The following WARS2 variants were observed in gnomAD, a reference collection of about 807,000 sequenced individuals.
The protein encoded by WARS2 is tryptophanyl tRNA synthetase 2, mitochondrial, also known as tryptophan--tRNA ligase, mitochondrial.
A neutral mutation model predicts 36.5 loss-of-function variants in WARS2; 28 were observed. The observed-to-expected ratio is 0.77, with a 90% confidence interval of 0.57 to 1.05. WARS2 has a LOEUF of 1.05. Among genes scored for constraint, WARS2 ranks in the 50% least tolerant of loss-of-function variants. WARS2 has a pLI of 0.00. For missense variants in WARS2, 435 were observed against 456.8 expected (o/e 0.95, Z 0.44); for synonymous variants, 174 against 178.4 (o/e 0.98, Z 0.20).
chr1:119,036,509 C>T (rs761565944), intron 4 of WARS2, among the ~76,000 whole-genome samples: 16 of 152,148 alleles, frequency 1.1e-4, no homozygotes, highest in South Asian at 2.1e-4. Context: ...GTCACCTTGA[C>T]GCCCCCAAGC....
chr1:119,080,271 T>C (rs919853877), intron 1 of WARS2, among the ~76,000 whole-genome samples: 5 of 152,184 alleles, frequency 3.3e-5, no homozygotes, highest in African/African-American at 1.2e-4. Context: ...GAATTTTAAG[T>C]TGAAAATAAT....
rs587650909 is a variant in WARS2 at position 119,121,843 on chromosome 1, T to C, written c.90+18712A>G. On this transcript the variant is annotated intron_variant, in intron 1 of 5. Transcript: ENST00000235521. Reference sequence around the variant, plus strand: ...GCTGGGATAATTGGCAAGCCACATATAGAATAACGAAACTGGATCCTCATC... The same window carrying C: ...GCTGGGATAATTGGCAAGCCACATACAGAATAACGAAACTGGATCCTCATC... Among the ~76,000 whole-genome samples, 4 of 152,212 alleles carry C rather than the reference T, an allele frequency of 2.6e-5. No individual in the cohort carries two copies. In the South Asian group the frequency reaches 6.2e-4, roughly 24 times the overall value.
intron 1 of WARS2, among the ~76,000 whole-genome samples, chr1:119,080,630 C>T (rs1362264069): frequency 3.3e-5 from 5 of 152,186 alleles, no homozygotes; most frequent in African/African-American, 9.6e-5. Context: ...TCCTGCTCTT[C>T]TGCAGTGAGT....
intron 1 of WARS2, among the ~76,000 whole-genome samples, chr1:119,119,383 A>G (rs1042668559): frequency 2.6e-5 from 4 of 152,164 alleles, no homozygotes; most frequent in Non-Finnish European, 5.9e-5. Context: ...CTAAATATAT[A>G]TGCACCTAAC....
At chr1:119,124,536 T>C (rs1655528915) in intron 1 of WARS2, among the ~76,000 whole-genome samples, 1 of 152,026 alleles carries the variant, frequency 6.6e-6, no homozygotes, top group Admixed American at 6.6e-5. Context: ...TGAAATAAAA[T>C]ATAAAAATAA....
At chr1:119,135,769 G>A (rs918291437) in intron 1 of WARS2, among the ~76,000 whole-genome samples, 2 of 151,994 alleles carry the variant, frequency 1.3e-5, no homozygotes, top group African/African-American at 4.8e-5. Flanking sequence ...TAGAGAGAGA[G>A]AGAGAGATGG....
intron 2 of WARS2, among the ~76,000 whole-genome samples, chr1:119,071,994 T>C (rs1262654290): frequency 1.3e-5 from 2 of 152,180 alleles, no homozygotes; most frequent in African/African-American, 4.8e-5. Context: ...AAAAGACTTT[T>C]TTTCTTGATT....
chr1:119,115,462 C>T (rs143831463), intron 1 of WARS2, among the ~76,000 whole-genome samples: 1 of 152,242 alleles, frequency 6.6e-6, no homozygotes, highest in East Asian at 1.9e-4. Context: ...CCAAGTGCCT[C>T]AAGCCTTTGA....
intron 2 of WARS2, among the ~76,000 whole-genome samples, chr1:119,069,615 G>A (rs1651140254): frequency 2.0e-5 from 3 of 152,124 alleles, no homozygotes; most frequent in Non-Finnish European, 2.9e-5. Context: ...GATAATAAAA[G>A]GTCTGCATAA....
chr1:119,097,921 A>G (rs995023863), intron 1 of WARS2, among the ~76,000 whole-genome samples: 2 of 152,116 alleles, frequency 1.3e-5, no homozygotes, highest in Non-Finnish European at 2.9e-5. Flanking sequence ...AAAATTTTCA[A>G]ATTATCCCTT....
intron 1 of WARS2, among the ~76,000 whole-genome samples, chr1:119,116,776 G>A (rs1289192279): frequency 6.6e-6 from 1 of 152,210 alleles, no homozygotes; most frequent in Non-Finnish European, 1.5e-5. Context: ...TTATCTCACA[G>A]AGGTCCTTGG....
chr1:119,133,336 A>G (rs1656244982), intron 1 of WARS2, among the ~76,000 whole-genome samples: 2 of 152,270 alleles, frequency 1.3e-5, no homozygotes, highest in East Asian at 3.8e-4. Context: ...GGCAAGATAT[A>G]TAAGTGACTT....
At chr1:119,068,179 T>C (rs1253553140) in intron 2 of WARS2, among the ~76,000 whole-genome samples, 1 of 152,186 alleles carries the variant, frequency 6.6e-6, no homozygotes, top group Admixed American at 6.5e-5. Context: ...AGAGCACCTA[T>C]TGTTGGTAGC....
intron 2 of WARS2, among the ~76,000 whole-genome samples, chr1:119,052,146 G>A (rs1380382429): frequency 6.6e-6 from 1 of 152,010 alleles, no homozygotes; most frequent in Admixed American, 6.6e-5. Flanking sequence ...AAGAGTGCAG[G>A]ATAGACAGCA....
intron 2 of WARS2, among the ~76,000 whole-genome samples, chr1:119,076,130 G>A (rs1183170399): frequency 3.9e-5 from 6 of 152,180 alleles, no homozygotes; most frequent in South Asian, 2.1e-4. Flanking sequence ...TAAACTTACC[G>A]AATACAGTGG....
At chr1:119,066,779 T>C (rs1202857798) in intron 2 of WARS2, among the ~76,000 whole-genome samples, 1 of 152,154 alleles carries the variant, frequency 6.6e-6, no homozygotes, top group Non-Finnish European at 1.5e-5. Flanking sequence ...GGAGAGTTCC[T>C]GTTGGTGGTA....
chr1:119,033,382 C>T (rs1647610322), intron 5 of WARS2, 23 bp from the exon 6 acceptor site: 2 of 1,612,676 alleles, frequency 1.2e-6, no homozygotes, highest in Non-Finnish European at 1.7e-6. Flanking sequence ...CACCAACACA[C>T]ACATACCCAA....
chr1:119,122,868 C>G (rs966319738), intron 1 of WARS2, among the ~76,000 whole-genome samples: 41 of 151,882 alleles, frequency 2.7e-4, no homozygotes, highest in African/African-American at 9.0e-4. Context: ...ATAGAATGGA[C>G]TCTGGGGACT....
intron 1 of WARS2, among the ~76,000 whole-genome samples, chr1:119,087,779 A>ATGCTTATCCTC (rs1652778710): frequency 6.6e-6 from 1 of 152,210 alleles, no homozygotes; most frequent in African/African-American, 2.4e-5. Flanking sequence ...CTCATGCATT[A>ATGCTTATCCTC]ATTGCCTTTC....
Sources: gnomAD v4.1 joint callset for allele counts (sites outside exome capture counted in the v4.1 genomes callset) on GRCh38, gnomAD v4.1.1 for gene constraint, MANE v1.5 for transcripts, NCBI Gene and HGNC (gene_info 2026-07-23, HGNC 2026-07-21) for gene names.